COP1: variants seen among roughly 807,000 people sequenced by gnomAD.
COP1 encodes the protein COP1 E3 ubiquitin ligase.
Under a neutral mutation model 101.3 loss-of-function variants are expected in COP1, and 24 were observed. That is an observed-to-expected ratio of 0.24 (90% CI 0.17 to 0.33). COP1 has a LOEUF of 0.33. Ranked by LOEUF, COP1 falls within the 10% of genes least tolerant of loss-of-function variation. COP1 has a pLI of 1.00. For synonymous variants in COP1, 347 were observed against 341.9 expected, an observed-to-expected ratio of 1.01 and a Z score of -0.17; for missense variants, 663 against 906.2, an observed-to-expected ratio of 0.73 and a Z score of 3.45.
At chr1:176,159,087 T>C (rs1474437587) in intron 5 of COP1, among the ~76,000 whole-genome samples, 1 of 152,178 alleles carries the variant, frequency 6.6e-6, no homozygotes, top group Non-Finnish European at 1.5e-5. Context: ...TGGAATCACC[T>C]AAAATCATGT....
At chr1:175,950,870 C>T (rs779541819) in intron 18 of COP1, among the ~76,000 whole-genome samples, 1 of 151,946 alleles carries the variant, frequency 6.6e-6, no homozygotes. Context: ...TAGTAGCACA[C>T]GTAGGCTAGT....
intron 1 of COP1, among the ~76,000 whole-genome samples, chr1:176,204,264 A>G (rs1700598514): frequency 6.6e-6 from 1 of 152,260 alleles, no homozygotes; most frequent in Non-Finnish European, 1.5e-5. Context: ...ATATAACATC[A>G]CAGAATTGTT....
In COP1 at chr1:176,198,617, G is replaced by A. The variant is rs1034286687; in HGVS notation, c.407+7955C>T. On this transcript the variant is annotated intron_variant, in intron 1 of 19. Coordinates refer to ENST00000367669, the MANE Select transcript of COP1 (RefSeq NM_022457.7). ...TGGACTTAAAACTGAAAACTTTATC[G>A]ATACATTAGAAAAAAGAAAAAACTT... is the stretch of plus-strand genomic sequence containing the variant. Among the ~76,000 whole-genome samples, 5 of 151,668 alleles carry A rather than the reference G, an allele frequency of 3.3e-5. No individual in the cohort carries two copies. The East Asian group carries it at 5.8e-4, about 18-fold the overall frequency.
intron 15 of COP1, among the ~76,000 whole-genome samples, chr1:175,998,473 T>TA (rs901529151): frequency 2.2e-4 from 31 of 142,784 alleles, no homozygotes; most frequent in African/African-American, 7.1e-4. Context: ...ATAATAAAAT[T>TA]AAAAAAAGAG....
intron 1 of COP1, among the ~76,000 whole-genome samples, chr1:176,200,113 C>T (rs1700115679): frequency 6.6e-6 from 1 of 152,146 alleles, no homozygotes; most frequent in African/African-American, 2.4e-5. Flanking sequence ...CTATGGGCCA[C>T]ATTTCCTCAT....
chr1:175,944,850 ATTGTTTTG>A lies in COP1; in HGVS notation c.*295_*302del, dbSNP rs1175450907. On this transcript the variant is annotated 3_prime_UTR_variant, in exon 20 of 20. Coordinates refer to ENST00000367669, the MANE Select transcript of COP1 (RefSeq NM_022457.7). ...CTCAACTGTGGCTCAATAAACTTTTATTGTTTTGTTATTTATTTTTATTCAAAAGAATT... is the reference window on the plus strand; with the variant it reads ...CTCAACTGTGGCTCAATAAACTTTTATTATTTATTTTTATTCAAAAGAATT... The A allele has an allele frequency of 1.4e-5, 5 of 360,834 alleles. No individual in the cohort carries two copies. Among genetic ancestry groups the A allele is most frequent in the Non-Finnish European group, 2.0e-5 (4 of 199,604 alleles). 22.4% of individuals were successfully genotyped at this position (360,834 alleles called of 1,614,324 possible).
intron 2 of COP1, among the ~76,000 whole-genome samples, chr1:176,184,251 C>A (rs1277871603): frequency 6.6e-6 from 1 of 152,074 alleles, no homozygotes; most frequent in Admixed American, 6.6e-5. Context: ...ATCCTGTATT[C>A]TTTTTCCATG....
chr1:176,169,667 A>C (rs1695737455), intron 3 of COP1, among the ~76,000 whole-genome samples: 1 of 152,212 alleles, frequency 6.6e-6, no homozygotes, highest in South Asian at 2.1e-4. Flanking sequence ...GGCAAGTCAT[A>C]ATCTTTTTGC....
intron 6 of COP1, among the ~76,000 whole-genome samples, chr1:176,145,108 T>C (rs948936971): frequency 2.6e-5 from 4 of 152,146 alleles, no homozygotes; most frequent in African/African-American, 7.2e-5. Context: ...TTGTGATAGA[T>C]AGATCTGACA....
At chr1:176,165,381 T>G (rs944531604) in intron 3 of COP1, among the ~76,000 whole-genome samples, 4 of 147,994 alleles carry the variant, frequency 2.7e-5, no homozygotes, top group Non-Finnish European at 5.9e-5. Flanking sequence ...TGTGTGTGTG[T>G]GTGTGTGTGT....
chr1:176,027,283 T>C (rs1667834477), intron 15 of COP1, among the ~76,000 whole-genome samples: 1 of 152,184 alleles, frequency 6.6e-6, no homozygotes, highest in Admixed American at 6.5e-5. Context: ...ATTATGACCT[T>C]ATGTTTGTGA....
At chr1:176,014,325 A>T (rs1166227224) in intron 15 of COP1, among the ~76,000 whole-genome samples, 2 of 152,240 alleles carry the variant, frequency 1.3e-5, no homozygotes, top group African/African-American at 4.8e-5. Flanking sequence ...ATGCAAGTTC[A>T]GAGAAAGTGA....
chr1:176,072,186 C>A (rs1448940678), intron 11 of COP1, among the ~76,000 whole-genome samples: 2 of 152,182 alleles, frequency 1.3e-5, no homozygotes, highest in African/African-American at 4.8e-5. Flanking sequence ...AATTCACAAA[C>A]TTCTTTTATA....
At position 176,085,889 on chromosome 1, in the gene COP1, G is replaced by C; in HGVS notation, c.1028C>G (p.Thr343Arg). The C allele has an allele frequency of 6.5e-7, 1 of 1,548,186 alleles. No individual in the cohort carries two copies. Among genetic ancestry groups the C allele is most frequent in the African/African-American group, 1.4e-5 (1 of 73,682 alleles). Residue 343 changes from threonine (T) to arginine (R), a missense_variant and splice_region_variant, in exon 10 of 20, where the codon ACA (threonine) becomes AGA (arginine). This residue lies in a region of COP1 where 212 missense variants were observed against 240.7 expected (regional missense o/e 0.88). Coordinates refer to ENST00000367669, the MANE Select transcript of COP1 (RefSeq NM_022457.7). Reference protein sequence around the residue: ...QPPGFSGSSQTKKQPWYNSTL... With the variant: ...QPPGFSGSSQRKKQPWYNSTL... ...GCTATTATACCAAGGCTGTTTCTTTGTCTAAAATAATAAGAAAAGACACAA... is the reference window on the plus strand; with the variant it reads ...GCTATTATACCAAGGCTGTTTCTTTCTCTAAAATAATAAGAAAAGACACAA...
At chr1:176,102,650 G>A (rs893854759) in intron 9 of COP1, among the ~76,000 whole-genome samples, 7 of 152,164 alleles carry the variant, frequency 4.6e-5, no homozygotes, top group Non-Finnish European at 1.0e-4. Context: ...CTTGCCTGGG[G>A]ACTAGACTGT....
At chr1:176,097,412 T>C (rs1186708660) in intron 9 of COP1, among the ~76,000 whole-genome samples, 5 of 152,164 alleles carry the variant, frequency 3.3e-5, no homozygotes, top group Non-Finnish European at 7.4e-5. Context: ...AATGTTTTCC[T>C]AGCCCTGTCT....
chr1:176,110,286 T>TAA (rs1685056596), intron 9 of COP1, among the ~76,000 whole-genome samples: 1 of 152,230 alleles, frequency 6.6e-6, no homozygotes, highest in Admixed American at 6.5e-5. Flanking sequence ...AAACTCCTTC[T>TAA]AACAGCCTAA....
At chr1:176,147,406 T>C (rs980709215) in intron 6 of COP1, among the ~76,000 whole-genome samples, 1 of 152,188 alleles carries the variant, frequency 6.6e-6, no homozygotes, top group African/African-American at 2.4e-5. Context: ...CTCCTCAGAA[T>C]TTCTTGTGTA....
At chr1:175,989,623 CT>C in intron 15 of COP1, 144 bp from the exon 16 acceptor site, 1 of 562,986 alleles carries the variant, frequency 1.8e-6, no homozygotes, top group Non-Finnish European at 3.2e-6. Flanking sequence ...AAAAGGAATC[CT>C]TTTCAAATAT....
Sources: allele counts gnomAD v4.1 joint callset (sites outside exome capture counted in the v4.1 genomes callset), GRCh38; gene constraint gnomAD v4.1.1; regional missense constraint gnomAD v4.1.1; transcripts MANE v1.5; gene names NCBI Gene and HGNC (gene_info 2026-07-23, HGNC 2026-07-21).